NBAS: variants seen among roughly 807,000 people sequenced by gnomAD.
NBAS encodes the protein NAG/BC035112 fusion.
Under a neutral mutation model 302.5 loss-of-function variants are expected in NBAS, and 219 were observed. The observed-to-expected ratio is 0.72, with a 90% CI of 0.65 to 0.81. The LOEUF (loss-of-function observed/expected upper bound fraction) is 0.81, where lower values mean the gene tolerates loss of function less well. Ranked by LOEUF, NBAS falls within the 30% of genes least tolerant of loss-of-function variation. The probability of loss-of-function intolerance (pLI) is 0.00; values close to 1 mark genes in which losing one functional copy is unlikely to be tolerated. For synonymous variants in NBAS, 1,118 were observed against 1,021.6 expected, an observed-to-expected ratio of 1.09 and a Z score of -1.80; for missense variants, 2,932 against 2,841.6, an observed-to-expected ratio of 1.03 and a Z score of -0.72.
At chr2:15,452,202 C>CT (rs1348834716) in intron 21 of NBAS, among the ~76,000 whole-genome samples, 1 of 152,180 alleles carries the variant, frequency 6.6e-6, no homozygotes, top group Non-Finnish European at 1.5e-5. Context: ...CGTGAATGTA[C>CT]TTAACAATGT....
the NBAS span, among the ~76,000 whole-genome samples, chr2:15,105,889 G>A: frequency 1.3e-5 from 2 of 152,110 alleles, no homozygotes; most frequent in Non-Finnish European, 2.9e-5. Flanking sequence ...GCTAAGACTT[G>A]TTTGGAATAT....
the NBAS span, among the ~76,000 whole-genome samples, chr2:15,018,535 A>G: frequency 2.6e-5 from 4 of 152,088 alleles, no homozygotes; most frequent in African/African-American, 9.6e-5. Context: ...TTATACACAT[A>G]ATAATTTCTG....
the NBAS span, among the ~76,000 whole-genome samples, chr2:15,134,083 T>TCTCTCTCTCC: frequency 7.6e-6 from 1 of 132,036 alleles, no homozygotes. Context: ...TCTCTCTCTC[T>TCTCTCTCTCC]CTCTGCAATG....
intron 6 of NBAS, among the ~76,000 whole-genome samples, chr2:15,549,959 C>G (rs1169448522): frequency 6.6e-6 from 1 of 151,842 alleles, no homozygotes; most frequent in Non-Finnish European, 1.5e-5. Context: ...TTGAGGCTAG[C>G]CTGGGCAACA....
At chr2:15,423,989 C>T (rs1468618562) in intron 23 of NBAS, among the ~76,000 whole-genome samples, 1 of 152,172 alleles carries the variant, frequency 6.6e-6, no homozygotes, top group African/African-American at 2.4e-5. Flanking sequence ...AGTGGCTTAA[C>T]CAAGAATTTG....
chr2:14,901,969 G>A, the NBAS span, among the ~76,000 whole-genome samples: 2 of 152,180 alleles, frequency 1.3e-5, no homozygotes, highest in Admixed American at 1.3e-4. Flanking sequence ...GTCCTCTCGC[G>A]ATAACAGCCT....
intron 47 of NBAS, among the ~76,000 whole-genome samples, chr2:15,227,572 T>C (rs376339702): frequency 6.6e-6 from 1 of 152,216 alleles, no homozygotes; most frequent in South Asian, 2.1e-4. Context: ...ATCACACTGC[T>C]TGACCTCAAA....
chr2:14,805,935 T>A, the NBAS span, among the ~76,000 whole-genome samples: 1 of 152,182 alleles, frequency 6.6e-6, no homozygotes, highest in Non-Finnish European at 1.5e-5. Flanking sequence ...AATTAATAAG[T>A]AACTGATCAT....
chr2:15,234,439 G>A, intron 46 of NBAS, 106 bp downstream of exon 46: 1 of 1,152,278 alleles, frequency 8.7e-7, no homozygotes, highest in South Asian at 1.3e-5. Flanking sequence ...CTTTTGTAAA[G>A]TCCTTCAAAA....
At chr2:15,190,174 T>C (rs1665281259) in intron 49 of NBAS, 90 bp downstream of exon 49, 1 of 1,449,932 alleles carries the variant, frequency 6.9e-7, no homozygotes, top group African/African-American at 1.4e-5. Flanking sequence ...ATAATTATTC[T>C]TTCATTGGCT....
chr2:15,236,269 A>T (rs924343127), intron 45 of NBAS, among the ~76,000 whole-genome samples: 2 of 152,096 alleles, frequency 1.3e-5, no homozygotes, highest in Admixed American at 6.6e-5. Flanking sequence ...AGGTATTGGA[A>T]GACAATACTT....
intron 24 of NBAS, among the ~76,000 whole-genome samples, chr2:15,416,787 C>T (rs1480004789): frequency 7.3e-6 from 1 of 136,666 alleles, no homozygotes; most frequent in Non-Finnish European, 1.5e-5. Context: ...GCCTGGGCCA[C>T]AGAGTGAGAC....
At chr2:15,110,766 C>G in the NBAS span, among the ~76,000 whole-genome samples, 1 of 152,116 alleles carries the variant, frequency 6.6e-6, no homozygotes, top group African/African-American at 2.4e-5. Flanking sequence ...CCCTTGTTGA[C>G]AAGTCCTCTC....
the NBAS span, among the ~76,000 whole-genome samples, chr2:14,816,595 A>G: frequency 2.7e-4 from 41 of 152,158 alleles, no homozygotes; most frequent in Non-Finnish European, 4.9e-4. Flanking sequence ...CCAGAGTTCC[A>G]TGTATGTTTT....
rs1470039791 is a variant in NBAS at position 15,504,126 on chromosome 2, T to A, written c.954+19A>T. ...AAAATGTTTGAGAAGCCCACCATAGTTAAGCCAATTTGTGTTACCTGTTCT... is the reference window on the plus strand; with the variant it reads ...AAAATGTTTGAGAAGCCCACCATAGATAAGCCAATTTGTGTTACCTGTTCT... On this transcript the variant is annotated intron_variant, in intron 11 of 51. Coordinates refer to ENST00000281513, the MANE Select transcript of NBAS (RefSeq NM_015909.4). 1 of 1,605,922 alleles carries A rather than the reference T, an allele frequency of 6.2e-7. No individual in the cohort carries two copies. The highest frequency in any genetic ancestry group is 1.7e-5 in the Admixed American group (1 of 60,008).
the NBAS span, among the ~76,000 whole-genome samples, chr2:15,091,845 T>C: frequency 1.3e-5 from 2 of 152,262 alleles, no homozygotes; most frequent in East Asian, 3.8e-4. Context: ...CTTGTGTTTT[T>C]TTAAAATAAT....
the NBAS span, among the ~76,000 whole-genome samples, chr2:14,903,776 A>C: frequency 1.3e-5 from 2 of 152,244 alleles, no homozygotes; most frequent in Non-Finnish European, 2.9e-5. Flanking sequence ...CTGGAGCTCA[A>C]CATTGCCTTT....
chr2:14,913,804 T>A, the NBAS span, among the ~76,000 whole-genome samples: 2 of 152,168 alleles, frequency 1.3e-5, no homozygotes, highest in East Asian at 3.9e-4. Context: ...ATATAAGCAG[T>A]GTTTAGAAGA....
chr2:14,839,462 G>C, the NBAS span, among the ~76,000 whole-genome samples: 3 of 151,978 alleles, frequency 2.0e-5, no homozygotes, highest in South Asian at 6.2e-4. Flanking sequence ...GAGACAAAGT[G>C]GGGAGGTAAA....
Sources: allele counts gnomAD v4.1 joint callset (sites outside exome capture counted in the v4.1 genomes callset), GRCh38; gene constraint gnomAD v4.1.1; transcripts MANE v1.5; gene names NCBI Gene and HGNC (gene_info 2026-07-23, HGNC 2026-07-21).